The following TRABD2B variants were observed in gnomAD, a reference collection of about 807,000 sequenced individuals.
TRABD2B encodes the protein metalloprotease TIKI2.
A neutral mutation model predicts 40.1 loss-of-function variants in TRABD2B; 14 were observed. The ratio of observed to expected loss-of-function variants is 0.35; its 90% CI spans 0.23 to 0.55. The LOEUF (loss-of-function observed/expected upper bound fraction) is 0.55. Ranked by LOEUF, TRABD2B falls within the 20% of genes least tolerant of loss-of-function variation. The probability of loss-of-function intolerance (pLI) is 0.90; values close to 1 mark genes in which losing one functional copy is unlikely to be tolerated. For missense variants in TRABD2B, 541 were observed against 648.6 expected, an observed-to-expected ratio of 0.83 and a Z score of 1.80; for synonymous variants, 263 against 277.0, an observed-to-expected ratio of 0.95 and a Z score of 0.50.
chr1:47,786,662 G>A (rs1483089301), intron 4 of TRABD2B, among the ~76,000 whole-genome samples: 2 of 152,212 alleles, frequency 1.3e-5, no homozygotes, highest in African/African-American at 2.4e-5. Flanking sequence ...AGACCAGGGC[G>A]CTTGCCAGTG....
chr1:47,925,292 C>A (rs2124747160), intron 2 of TRABD2B, among the ~76,000 whole-genome samples: 1 of 152,142 alleles, frequency 6.6e-6, no homozygotes, highest in South Asian at 2.1e-4. Context: ...AGCCTTTTAT[C>A]CTTCATAAAC....
chr1:47,940,660 G>A (rs1645173387), intron 2 of TRABD2B, among the ~76,000 whole-genome samples: 1 of 152,184 alleles, frequency 6.6e-6, no homozygotes, highest in South Asian at 2.1e-4. Flanking sequence ...CCGCTACAGT[G>A]CTCTGTCCCC....
chr1:47,864,198 C>T (rs1644020112), intron 2 of TRABD2B, among the ~76,000 whole-genome samples: 2 of 151,892 alleles, frequency 1.3e-5, no homozygotes, highest in Admixed American at 1.3e-4. Flanking sequence ...TTTGTCCAAA[C>T]CCACAGAATG....
In TRABD2B at chr1:47,823,222, C is replaced by A. The variant is rs117669443; in HGVS notation, c.667-21603G>T. Among the ~76,000 whole-genome samples, 4 of 152,350 alleles carry A rather than the reference C, an allele frequency of 2.6e-5. 1 individual carries two copies. In the South Asian group the frequency reaches 8.3e-4, roughly 32 times the overall value. ...CATGTAGCTGCATGGGGGAGGCAGACGGCAGAAAGTCTGCCAAGCTGCTGC... is the reference window on the plus strand; with the variant it reads ...CATGTAGCTGCATGGGGGAGGCAGAAGGCAGAAAGTCTGCCAAGCTGCTGC... On this transcript the variant is annotated intron_variant, in intron 2 of 6. Coordinates refer to ENST00000606738, the MANE Select transcript of TRABD2B (RefSeq NM_001194986.2).
intron 2 of TRABD2B, among the ~76,000 whole-genome samples, chr1:47,826,599 G>A (rs950404970): frequency 1.3e-5 from 2 of 151,982 alleles, no homozygotes; most frequent in African/African-American, 4.8e-5. Context: ...TTTGAGACAG[G>A]ATTTCACTCT....
At chr1:47,923,880 ATC>A (rs1316334322) in intron 2 of TRABD2B, among the ~76,000 whole-genome samples, 1 of 144,950 alleles carries the variant, frequency 6.9e-6, no homozygotes, top group Non-Finnish European at 1.5e-5. Context: ...CATAAAATCA[ATC>A]TCTCTCTCTC....
chr1:47,808,489 T>C (rs1056847487), intron 2 of TRABD2B, among the ~76,000 whole-genome samples: 3 of 152,064 alleles, frequency 2.0e-5, no homozygotes, highest in African/African-American at 7.2e-5. Flanking sequence ...GCCCTGTACA[T>C]ATGTGAGGAG....
intron 2 of TRABD2B, among the ~76,000 whole-genome samples, chr1:47,985,501 TAAGTCCTTCGG>T (rs1281433422): frequency 6.6e-6 from 1 of 152,216 alleles, no homozygotes; most frequent in Non-Finnish European, 1.5e-5. Flanking sequence ...CCACCTTGTC[TAAGTCCTTCGG>T]AAGGAACACA....
intron 2 of TRABD2B, among the ~76,000 whole-genome samples, chr1:47,855,302 T>C (rs555622476): frequency 1.8e-4 from 28 of 152,370 alleles, no homozygotes; most frequent in African/African-American, 6.5e-4. Flanking sequence ...ACAAAATGTA[T>C]AGAATCATAA....
intron 2 of TRABD2B, among the ~76,000 whole-genome samples, chr1:47,838,828 G>A (rs1198413676): frequency 6.6e-6 from 1 of 152,150 alleles, no homozygotes; most frequent in Admixed American, 6.5e-5. Context: ...GAAGAGAGGA[G>A]GAAATGGAGA....
At chr1:47,842,638 G>A (rs998348713) in intron 2 of TRABD2B, among the ~76,000 whole-genome samples, 3 of 152,228 alleles carry the variant, frequency 2.0e-5, no homozygotes, top group Admixed American at 6.5e-5. Context: ...ACTTGGGCAA[G>A]TGGCTTACTT....
In TRABD2B at chr1:47,997,304, G is replaced by T; in HGVS notation, c.-515C>A. On this transcript the variant is annotated 5_prime_UTR_variant, in exon 1 of 7. Coordinates refer to ENST00000606738, the MANE Select transcript of TRABD2B (RefSeq NM_001194986.2). ...GGGGCGACCGGCTGCCCCCGAGCCC[G>T]GCTCAGAGGGGCGGCGGGCGGCCGC... The T allele has an allele frequency of 1.2e-6, 1 of 801,516 alleles. No individual in the cohort carries two copies. The highest frequency in any genetic ancestry group is 1.5e-6 in the Non-Finnish European group (1 of 664,438). The allele number at this position is 801,516 out of a possible 1,614,324, so 49.7% of individuals were successfully genotyped here. A position where few individuals can be genotyped will look rare whatever the true frequency, so the allele number is the denominator to read the frequency against.
At chr1:47,890,777 T>C (rs1015680100) in intron 2 of TRABD2B, among the ~76,000 whole-genome samples, 2 of 152,206 alleles carry the variant, frequency 1.3e-5, no homozygotes, top group East Asian at 1.9e-4. Flanking sequence ...GAGCCTACTG[T>C]AGGCCCTGAA....
intron 2 of TRABD2B, among the ~76,000 whole-genome samples, chr1:47,900,605 A>G (rs1057243510): frequency 1.3e-5 from 2 of 152,168 alleles, no homozygotes; most frequent in East Asian, 3.9e-4. Flanking sequence ...CCACCCCTCC[A>G]TAGAGCAAGA....
rs149640292 is a variant in TRABD2B at position 47,899,628 on chromosome 1, T to C, written c.666+94406A>G. Reference sequence around the variant, plus strand: ...ATGGAAGGCTTTCTGGAGGAGGTACTATTAGAACATTTTGAAGAAGAAAAA... The same window carrying C: ...ATGGAAGGCTTTCTGGAGGAGGTACCATTAGAACATTTTGAAGAAGAAAAA... On this transcript the variant is annotated intron_variant, in intron 2 of 6. Transcript: ENST00000606738. Among the ~76,000 whole-genome samples the C allele has an allele frequency of 9.1e-4, 138 of 152,354 alleles. 2 individuals are homozygous for C. Among genetic ancestry groups the C allele is most frequent in the African/African-American group, 2.5e-3 (104 of 41,578 alleles).
At chr1:47,935,601 A>G (rs1645096584) in intron 2 of TRABD2B, among the ~76,000 whole-genome samples, 2 of 152,200 alleles carry the variant, frequency 1.3e-5, no homozygotes, top group Admixed American at 1.3e-4. Flanking sequence ...GGACTCAAAA[A>G]AGCAATGGGC....
At chr1:47,931,481 C>A (rs183644451) in intron 2 of TRABD2B, among the ~76,000 whole-genome samples, 1 of 152,138 alleles carries the variant, frequency 6.6e-6, no homozygotes, top group African/African-American at 2.4e-5. Context: ...AGACATCAGG[C>A]AGAAGTGATG....
At chr1:47,978,317 T>C (rs1310984176) in intron 2 of TRABD2B, among the ~76,000 whole-genome samples, 2 of 152,196 alleles carry the variant, frequency 1.3e-5, no homozygotes, top group Non-Finnish European at 2.9e-5. Flanking sequence ...CCCCCAGAAC[T>C]GTGAGAAATA....
rs190879267 is a variant in TRABD2B, at chr1:47,831,242, C to G, written c.667-29623G>C. On this transcript the variant is annotated intron_variant, in intron 2 of 6. Transcript: ENST00000606738. ...CAGCACGTAAGAAAGCCGGCTGTAG[C>G]CCAGAGCCTCGGTGGGAGAGCAGAA... 2.7e-3 allele frequency among the ~76,000 whole-genome samples: 412 copies of G among 152,252 alleles called. 2 individuals are homozygous for G. The highest frequency in any genetic ancestry group is 9.1e-3 in the African/African-American group (378 of 41,542).
Sources: allele counts gnomAD v4.1 joint callset (sites outside exome capture counted in the v4.1 genomes callset), GRCh38; gene constraint gnomAD v4.1.1; transcripts MANE v1.5; gene names NCBI Gene and HGNC (gene_info 2026-07-23, HGNC 2026-07-21).